Variants in FSTL4 observed in about 807,000 individuals in gnomAD.
FSTL4 encodes follistatin-related protein 4.
In FSTL4, 28 loss-of-function variants were observed where a neutral mutation model predicts 78.2. The observed-to-expected ratio is 0.36, with a 90% confidence interval of 0.27 to 0.49. FSTL4 has a LOEUF of 0.49. Ranked by LOEUF, FSTL4 falls within the 20% of genes least tolerant of loss-of-function variation. FSTL4 has a pLI of 0.98. For missense variants in FSTL4, 922 were observed against 1,084.9 expected (o/e 0.85, Z 2.11); for synonymous variants, 422 against 440.5 (o/e 0.96, Z 0.53).
Position 133,440,259 on chromosome 5 carries a change from G to A in FSTL4, c.161-39273C>T, listed in dbSNP as rs2127002471. 6.6e-6 allele frequency among the ~76,000 whole-genome samples: 1 copy of A among 152,294 alleles called. No homozygotes were observed. Among genetic ancestry groups the A allele is most frequent in the African/African-American group, 2.4e-5 (1 of 41,574 alleles). On this transcript the variant is annotated intron_variant, in intron 3 of 15. Coordinates refer to ENST00000265342, the MANE Select transcript of FSTL4 (RefSeq NM_015082.2). This position sits in a 1 kb window ranked among gnomAD's most constrained non-coding sequence, Gnocchi z 4.1. ...GGCCGCTGACAAGGTGTCTTGACAG[G>A]AACAAGACACATCATTTGGGTGGCT...
chr5:133,377,643 C>T (rs368169493), intron 4 of FSTL4, among the ~76,000 whole-genome samples: 6 of 151,890 alleles, frequency 4.0e-5, no homozygotes, highest in Non-Finnish European at 8.8e-5. Flanking sequence ...ATGAACAAAG[C>T]CTCAGAGAAA....
At chr5:133,518,628 C>T (rs1434537578) in intron 3 of FSTL4, among the ~76,000 whole-genome samples, 1 of 152,144 alleles carries the variant, frequency 6.6e-6, no homozygotes, top group Non-Finnish European at 1.5e-5. Flanking sequence ...AACAATTTTA[C>T]TACTAGACTC....
the FSTL4 span, among the ~76,000 whole-genome samples, chr5:133,704,186 G>T: frequency 6.6e-6 from 1 of 152,172 alleles, no homozygotes; most frequent in Non-Finnish European, 1.5e-5. Context: ...CTATGTGATG[G>T]AGGAGGAAAC....
At chr5:133,487,182 C>T (rs181809745) in intron 3 of FSTL4, among the ~76,000 whole-genome samples, 1 of 152,296 alleles carries the variant, frequency 6.6e-6, no homozygotes, top group Admixed American at 6.5e-5. Context: ...TCTCTGAGCA[C>T]GTGGAAGGCC....
intron 3 of FSTL4, among the ~76,000 whole-genome samples, chr5:133,522,574 ATC>A (rs1759002022): frequency 1.3e-5 from 2 of 152,192 alleles, no homozygotes; most frequent in Non-Finnish European, 2.9e-5. Context: ...TGATGCAGAC[ATC>A]TCTCTGATGT....
intron 3 of FSTL4, among the ~76,000 whole-genome samples, chr5:133,487,711 G>A (rs1483646474): frequency 6.6e-6 from 1 of 152,116 alleles, no homozygotes; most frequent in Non-Finnish European, 1.5e-5. Context: ...TGTGGCCAGG[G>A]ACTGTGTTCA....
At chr5:133,657,766 G>GTTTTT in the FSTL4 span, among the ~76,000 whole-genome samples, 11 of 85,928 alleles carry the variant, frequency 1.3e-4, no homozygotes, top group South Asian at 3.8e-4. Context: ...ACTGTTTTTT[G>GTTTTT]TTTTTTTTGT....
chr5:133,199,280 C>A lies in FSTL4; in HGVS notation c.2344G>T (p.Ala782Ser). The A allele has an allele frequency of 1.9e-6, 3 of 1,613,798 alleles. No homozygotes were observed. In the South Asian group the frequency reaches 3.3e-5, roughly 18 times the overall value. The change falls in exon 16 of 16, where the codon GCA (alanine) becomes TCA (serine). Residue 782 changes from alanine (A) to serine (S), a missense_variant. Transcript: ENST00000265342. This position sits in a 1 kb window ranked among gnomAD's most constrained non-coding sequence, Gnocchi z 4.4. ...GMLKNLKEPP[A>S]GPAQPWGGTH... is the part of the protein sequence containing the mutation. Reference sequence around the variant, plus strand: ...CCCCCCCAGGGCTGAGCTGGCCCTGCGGGTGGCTCCTTTAAGTTCTTCAGC... The same window carrying A: ...CCCCCCCAGGGCTGAGCTGGCCCTGAGGGTGGCTCCTTTAAGTTCTTCAGC...
the FSTL4 span, among the ~76,000 whole-genome samples, chr5:133,632,791 A>T: frequency 6.6e-6 from 1 of 152,028 alleles, no homozygotes; most frequent in African/African-American, 2.4e-5. Flanking sequence ...GGCTTAAGCA[A>T]TCCTCCCAAT....
chr5:133,469,637 G>A (rs983505014), intron 3 of FSTL4, among the ~76,000 whole-genome samples: 3 of 152,202 alleles, frequency 2.0e-5, no homozygotes, highest in African/African-American at 7.2e-5. Context: ...AAATGACAGG[G>A]TAGGTACATG....
chr5:133,366,403 G>A (rs896679251), intron 4 of FSTL4, among the ~76,000 whole-genome samples: 2 of 152,108 alleles, frequency 1.3e-5, no homozygotes, highest in African/African-American at 4.8e-5. Context: ...CTATTCAAAT[G>A]TGAGCAGCTT....
chr5:133,395,722 ACTC>A (rs201624292), intron 4 of FSTL4, among the ~76,000 whole-genome samples: 6,462 of 152,018 alleles, frequency 0.043, 450 homozygotes, highest in African/African-American at 0.15. Context: ...TCATGCCTGT[ACTC>A]CTAGAAAGCC....
chr5:133,395,706 G>C (rs1040963775), intron 4 of FSTL4, among the ~76,000 whole-genome samples: 1 of 151,272 alleles, frequency 6.6e-6, no homozygotes, highest in Non-Finnish European at 1.5e-5. Flanking sequence ...GGAGACTGGA[G>C]GTACTTCATG....
chr5:133,403,170 T>C lies in FSTL4; in HGVS notation c.161-2184A>G, dbSNP rs183362090. ...CAAGACAGGGCCAGGACGCAGAGCA[T>C]TGCCATGGGATCACTGTTTTAATAA... On this transcript the variant is annotated intron_variant, in intron 3 of 15. Transcript: ENST00000265342. Among the ~76,000 whole-genome samples, 301 of 152,338 alleles carry C rather than the reference T, an allele frequency of 2.0e-3. 1 individual carries two copies. The highest frequency in any genetic ancestry group is 6.8e-3 in the African/African-American group (284 of 41,584).
the FSTL4 span, among the ~76,000 whole-genome samples, chr5:133,620,493 C>G: frequency 6.6e-6 from 1 of 152,114 alleles, no homozygotes; most frequent in African/African-American, 2.4e-5. Context: ...AATTTTGAAG[C>G]AAAATTGTAG....
At chr5:133,290,717 G>A (rs911789036) in intron 6 of FSTL4, among the ~76,000 whole-genome samples, 8 of 152,228 alleles carry the variant, frequency 5.3e-5, no homozygotes, top group African/African-American at 1.9e-4. Flanking sequence ...CCTCTTGGAT[G>A]GCTCTAAGCA....
the FSTL4 span, among the ~76,000 whole-genome samples, chr5:133,696,803 G>T: frequency 6.6e-6 from 1 of 152,220 alleles, no homozygotes; most frequent in African/African-American, 2.4e-5. Flanking sequence ...TATGCGAGTG[G>T]GTACAGGGGT....
At position 133,225,260 on chromosome 5, in the gene FSTL4, C is replaced by G. The variant is rs146446573; in HGVS notation, c.1202G>C (p.Ser401Thr). Residue 401 changes from serine to threonine, a missense_variant, in exon 10 of 16, where the codon AGC (serine) becomes ACC (threonine). Coordinates refer to ENST00000265342, the MANE Select transcript of FSTL4 (RefSeq NM_015082.2). This position sits in a 1 kb window ranked among gnomAD's most constrained non-coding sequence, Gnocchi z 4.6. ...CCCTGTGTCTTCATACCGAACACTGCTGATGTGGAGTTCGCTCCCATTGGC... is the reference window on the plus strand; with the variant it reads ...CCCTGTGTCTTCATACCGAACACTGGTGATGTGGAGTTCGCTCCCATTGGC... ...LLANGSELHI[S>T]SVRYEDTGAY... 1,808 of 1,614,200 alleles carry G rather than the reference C, an allele frequency of 1.1e-3. 1 individual carries two copies. The highest frequency in any genetic ancestry group is 1.5e-3 in the Non-Finnish European group (1,742 of 1,180,024).
In FSTL4 at chr5:133,325,781, C is replaced by T. The variant is rs556708088; in HGVS notation, c.410-9129G>A. Among the ~76,000 whole-genome samples the T allele has an allele frequency of 7.2e-4, 88 of 122,906 alleles. 1 individual carries two copies. The South Asian group carries it at 0.023, about 32-fold the overall frequency. The allele number at this position is 122,906 out of a possible 152,430, so 80.6% of individuals were successfully genotyped here. The stretch of plus-strand genomic sequence containing the variant: ...GTGGCTAGAGCTCAGATCCCCAAAC[C>T]TCACCTGAGAACCCCCCCAGAGAGG... On this transcript the variant is annotated intron_variant, in intron 4 of 15. Coordinates refer to ENST00000265342, the MANE Select transcript of FSTL4 (RefSeq NM_015082.2).
Sources: gnomAD v4.1 joint callset for allele counts (sites outside exome capture counted in the v4.1 genomes callset) on GRCh38, gnomAD v4.1.1 for gene constraint, Gnocchi (gnomAD v3.1) non-coding constraint, MANE v1.5 for transcripts, NCBI Gene and HGNC (gene_info 2026-07-23, HGNC 2026-07-21) for gene names.